The following CLEC2D variants were observed in gnomAD, a reference collection of about 807,000 sequenced individuals.
The protein encoded by CLEC2D is C-type lectin related f.
In CLEC2D, 16 loss-of-function variants were observed where a neutral mutation model predicts 20.0. The ratio of observed to expected loss-of-function variants is 0.80; its 90% CI spans 0.54 to 1.22. CLEC2D has a LOEUF of 1.22. CLEC2D is among the 50% of genes most tolerant of loss of function. The pLI is 0.00. For missense variants in CLEC2D, 207 were observed against 221.5 expected (o/e 0.93, Z 0.42); for synonymous variants, 77 against 71.1 (o/e 1.08, Z -0.42).
chr12:9,672,973 T>C lies in CLEC2D; in HGVS notation c.61+3178T>C, dbSNP rs1468286950. ...GGTTAACAGCTCCTGTAATCTTTTA[T>C]CATGCTTCTTAGCTTCTTTGCATTG... On this transcript the variant is annotated intron_variant, in intron 1 of 4. Coordinates refer to ENST00000290855, the MANE Select transcript of CLEC2D (RefSeq NM_013269.6). Among the ~76,000 whole-genome samples the C allele has an allele frequency of 2.6e-5, 4 of 152,172 alleles. No homozygotes were observed. In the East Asian group the frequency reaches 7.7e-4, roughly 29 times the overall value.
chr12:9,688,066 G>A lies in CLEC2D; in HGVS notation c.337G>A (p.Val113Ile), dbSNP rs748552004. 3 of 1,603,606 alleles carry A rather than the reference G, an allele frequency of 1.9e-6. No individual in the cohort carries two copies. Among genetic ancestry groups the A allele is most frequent in the African/African-American group, 1.3e-5 (1 of 74,294 alleles). Residue 113 changes from valine (V) to isoleucine (I), a missense_variant, in exon 3 of 5, where the codon GTT (valine) becomes ATT (isoleucine). Transcript: ENST00000290855. ...CTCACAAGATGCTGATCTTGCTCAG[G>A]TTGAAAGCTTCCAGGAACTGGTAAG... is the stretch of plus-strand genomic sequence containing the variant. ...CDSQDADLAQVESFQELNFLL... is the reference protein window; with the variant it reads ...CDSQDADLAQIESFQELNFLL...
intron 1 of CLEC2D, among the ~76,000 whole-genome samples, chr12:9,674,617 G>C (rs1193220591): frequency 6.6e-6 from 1 of 152,220 alleles, no homozygotes; most frequent in Non-Finnish European, 1.5e-5. Flanking sequence ...TTTCTTACCA[G>C]TAATGCATGA....
At chr12:9,682,821 A>G (rs756104398) in intron 2 of CLEC2D, among the ~76,000 whole-genome samples, 1 of 152,366 alleles carries the variant, frequency 6.6e-6, no homozygotes, top group East Asian at 1.9e-4. Flanking sequence ...TAGTGCCACA[A>G]TAAACATACG....
At chr12:9,686,397 A>T (rs7964290) in intron 2 of CLEC2D, among the ~76,000 whole-genome samples, 1 of 151,892 alleles carries the variant, frequency 6.6e-6, no homozygotes, top group Non-Finnish European at 1.5e-5. Context: ...GTCATCCTGC[A>T]TTATGGTCTG....
rs1865956994 is a variant in CLEC2D at position 9,695,294 on chromosome 12, T to C, written c.*420T>C. 1 of 735,284 alleles carries C rather than the reference T, an allele frequency of 1.4e-6. No homozygotes were observed. The highest frequency in any genetic ancestry group is 2.4e-6 in the Non-Finnish European group (1 of 412,122). 45.5% of individuals were successfully genotyped at this position (735,284 alleles called of 1,614,324 possible). A position where few individuals can be genotyped will look rare whatever the true frequency, so the allele number is the denominator to read the frequency against. ...ACAAGAACAGTATGGGGCTCCCTGG[T>C]GTGATTCCGTCCTGCGCGGCTGTTC... On this transcript the variant is annotated 3_prime_UTR_variant, in exon 5 of 5. Coordinates refer to ENST00000290855, the MANE Select transcript of CLEC2D (RefSeq NM_013269.6).
At chr12:9,671,151 G>GA (rs901250899) in intron 1 of CLEC2D, among the ~76,000 whole-genome samples, 23 of 150,622 alleles carry the variant, frequency 1.5e-4, no homozygotes, top group Non-Finnish European at 2.4e-4. Flanking sequence ...TGAGAAAGAA[G>GA]AAAAAAAAAG....
chr12:9,681,765 G>A (rs1394345460), intron 2 of CLEC2D, among the ~76,000 whole-genome samples: 1 of 152,162 alleles, frequency 6.6e-6, no homozygotes, highest in Admixed American at 6.5e-5. Context: ...TTAAGAGTCA[G>A]CAATACTTGG....
At chr12:9,676,059 A>G (rs193096698) in intron 1 of CLEC2D, among the ~76,000 whole-genome samples, 2 of 152,240 alleles carry the variant, frequency 1.3e-5, no homozygotes, top group Non-Finnish European at 2.9e-5. Flanking sequence ...GATTTTCTAC[A>G]TAGATGATTA....
At chr12:9,688,433 C>A (rs896641855) in intron 3 of CLEC2D, among the ~76,000 whole-genome samples, 20 of 152,094 alleles carry the variant, frequency 1.3e-4, no homozygotes, top group African/African-American at 4.8e-4. Flanking sequence ...ATAAATCAAA[C>A]AAGGCCAAGA....
At chr12:9,674,419 G>T (rs776681460) in intron 1 of CLEC2D, among the ~76,000 whole-genome samples, 1 of 152,194 alleles carries the variant, frequency 6.6e-6, no homozygotes, top group Admixed American at 6.5e-5. Flanking sequence ...CCTGCTTCCT[G>T]TGGGTTGCAC....
intron 1 of CLEC2D, among the ~76,000 whole-genome samples, chr12:9,672,850 A>G (rs575888154): frequency 1.1e-4 from 16 of 151,970 alleles, no homozygotes; most frequent in Middle Eastern, 3.4e-3. Flanking sequence ...TGCTTGGTCA[A>G]TTCAGCTATT....
chr12:9,682,584 G>T (rs758189341), intron 2 of CLEC2D, among the ~76,000 whole-genome samples: 1 of 152,182 alleles, frequency 6.6e-6, no homozygotes, highest in African/African-American at 2.4e-5. Flanking sequence ...TGTTCTCATT[G>T]TTCAGCTCCC....
In CLEC2D at chr12:9,695,250, A is replaced by G; in HGVS notation, c.*376A>G. The G allele has an allele frequency of 1.6e-6, 1 of 641,630 alleles. No individual in the cohort carries two copies. Among genetic ancestry groups the G allele is most frequent in the Non-Finnish European group, 2.8e-6 (1 of 357,518 alleles). 39.7% of individuals were successfully genotyped at this position (641,630 alleles called of 1,614,324 possible). On this transcript the variant is annotated 3_prime_UTR_variant, in exon 5 of 5. Coordinates refer to ENST00000290855, the MANE Select transcript of CLEC2D (RefSeq NM_013269.6). ...TGTGCACAGGAACTCCTATTTATAC[A>G]ACCATCAGATATCTTGAGACAAGAA...
intron 3 of CLEC2D, among the ~76,000 whole-genome samples, chr12:9,691,208 G>A (rs942060674): frequency 8.9e-6 from 1 of 112,106 alleles, no homozygotes; most frequent in Non-Finnish European, 1.8e-5. Context: ...TTTTGACATA[G>A]CCAAATAATT....
chr12:9,676,230 A>G (rs762288025), intron 1 of CLEC2D, among the ~76,000 whole-genome samples: 5 of 152,236 alleles, frequency 3.3e-5, no homozygotes, highest in African/African-American at 1.2e-4. Flanking sequence ...CCTTGATCTT[A>G]GTGGGAAAAC....
intron 1 of CLEC2D, among the ~76,000 whole-genome samples, chr12:9,676,427 GATATA>G (rs1865521542): frequency 6.6e-6 from 1 of 152,070 alleles, no homozygotes; most frequent in Admixed American, 6.6e-5. Context: ...TGTATATATT[GATATA>G]ATCAAGTGAT....
At position 9,693,089 on chromosome 12, in the gene CLEC2D, C is replaced by T. The variant is rs764419979; in HGVS notation, c.461+158C>T. 6.8e-6 allele frequency: 11 copies of T among 1,613,546 alleles called. No individual in the cohort carries two copies. In the South Asian group the frequency reaches 9.9e-5, roughly 14 times the overall value. On this transcript the variant is annotated intron_variant, in intron 4 of 4. Coordinates refer to ENST00000290855, the MANE Select transcript of CLEC2D (RefSeq NM_013269.6). ...GTATGTTGCAAAGGTTTCACAAGTTCCTCGAATGAATCCAAGACCTGTCAT... is the reference window on the plus strand; with the variant it reads ...GTATGTTGCAAAGGTTTCACAAGTTTCTCGAATGAATCCAAGACCTGTCAT...
chr12:9,669,841 A>G (rs754853687), intron 1 of CLEC2D, 46 bp downstream of exon 1: 2 of 1,477,082 alleles, frequency 1.4e-6, no homozygotes, highest in Admixed American at 3.3e-5. Flanking sequence ...CTGGAATGGG[A>G]AGGTAGTGGT....
rs138159509 is a variant in CLEC2D at position 9,678,168 on chromosome 12, C to T, written c.62-2755C>T. Reference sequence around the variant, plus strand: ...TGCGTGCACATTTAGGTTTGTTATGCGGAAACATAACATAGTTTCTTGGAA... The same window carrying T: ...TGCGTGCACATTTAGGTTTGTTATGTGGAAACATAACATAGTTTCTTGGAA... On this transcript the variant is annotated intron_variant, in intron 1 of 4. Transcript: ENST00000290855. Among the ~76,000 whole-genome samples the T allele has an allele frequency of 3.9e-3, 589 of 152,176 alleles. 1 individual carries two copies. The highest frequency in any genetic ancestry group is 0.013 in the African/African-American group (545 of 41,516).
Sources: gnomAD v4.1 joint callset for allele counts (sites outside exome capture counted in the v4.1 genomes callset) on GRCh38, gnomAD v4.1.1 for gene constraint, MANE v1.5 for transcripts, NCBI Gene and HGNC (gene_info 2026-07-23, HGNC 2026-07-21) for gene names.